Variants in TRAP1 observed in about 807,000 individuals in gnomAD.
TRAP1 encodes the protein TNF receptor associated protein 1.
A neutral mutation model predicts 89.1 loss-of-function variants in TRAP1; 102 were observed. That is an observed-to-expected ratio of 1.15 (90% confidence interval 0.98 to 1.35). The LOEUF (loss-of-function observed/expected upper bound fraction) is 1.35. Among genes scored for constraint, TRAP1 ranks in the 40% most tolerant of loss-of-function variants. The probability of loss-of-function intolerance (pLI) is 0.00; values close to 1 mark genes in which losing one functional copy is unlikely to be tolerated. For synonymous variants in TRAP1, 508 were observed against 388.0 expected (o/e 1.31, Z -3.64); for missense variants, 1,256 against 945.3 (o/e 1.33, Z -4.31).
intron 7 of TRAP1, 129 bp from the exon 8 acceptor site, chr16:3,675,526 C>A (rs1278991009): frequency 8.4e-6 from 7 of 833,728 alleles, no homozygotes; most frequent in Non-Finnish European, 1.9e-6. Flanking sequence ...TTCACAGGTA[C>A]AGAAACAGGG....
At chr16:3,673,597 TGGGCTCCCACGCA>T (rs2050945613) in intron 9 of TRAP1, among the ~76,000 whole-genome samples, 1 of 152,110 alleles carries the variant, frequency 6.6e-6, no homozygotes, top group Non-Finnish European at 1.5e-5. Context: ...TATTAAAATG[TGGGCTCCCACGCA>T]GGAGCCCTGG....
chr16:3,670,214 C>T (rs1408265545), intron 11 of TRAP1, among the ~76,000 whole-genome samples: 1 of 151,208 alleles, frequency 6.6e-6, no homozygotes, highest in Non-Finnish European at 1.5e-5. Flanking sequence ...AACCCTGTCT[C>T]TACTAAAGAT....
intron 1 of TRAP1, among the ~76,000 whole-genome samples, chr16:3,698,387 T>C (rs916251549): frequency 5.3e-5 from 8 of 151,606 alleles, no homozygotes; most frequent in Admixed American, 2.0e-4. Flanking sequence ...CTCGGCTCAC[T>C]GCAAGCTCCG....
Position 3,665,992 on chromosome 16 carries a change from G to C in TRAP1, c.1362C>G (p.Thr454=), listed in dbSNP as rs542900647. 1.1e-5 allele frequency: 18 copies of C among 1,613,660 alleles called. No individual in the cohort carries two copies. The East Asian group carries it at 1.8e-4, about 16-fold the overall frequency. The change falls in exon 12 of 18, where the codon ACC becomes ACG. Residue 454 remains threonine (T), a synonymous_variant. Coordinates refer to ENST00000246957, the MANE Select transcript of TRAP1 (RefSeq NM_016292.3). ...YGLFMREGIV[T]ATEQEVKEDI... ...ATACCTTGACCTCCTGCTCGGTGGC[G>C]GTCACAATGCCCTCCCGCATGAACA...
At chr16:3,705,386 A>T (rs989328668) in intron 1 of TRAP1, among the ~76,000 whole-genome samples, 1 of 151,552 alleles carries the variant, frequency 6.6e-6, no homozygotes, top group Non-Finnish European at 1.5e-5. Context: ...GAACATTTTT[A>T]TCACCCCAAA....
intron 11 of TRAP1, among the ~76,000 whole-genome samples, chr16:3,670,691 A>C (rs1292879638): frequency 1.3e-5 from 2 of 152,204 alleles, no homozygotes; most frequent in South Asian, 2.1e-4. Context: ...ACAACAAGAA[A>C]GACCCTATCA....
intron 1 of TRAP1, among the ~76,000 whole-genome samples, chr16:3,703,899 C>T (rs1049008162): frequency 6.6e-6 from 1 of 150,844 alleles, no homozygotes; most frequent in Admixed American, 6.6e-5. Context: ...CCTGTGGTCC[C>T]AGCTACTCGG....
At chr16:3,710,662 G>A (rs1292858797) in intron 1 of TRAP1, among the ~76,000 whole-genome samples, 1 of 152,084 alleles carries the variant, frequency 6.6e-6, no homozygotes, top group Non-Finnish European at 1.5e-5. Flanking sequence ...ATACTGGCAA[G>A]TGTGAACTAA....
chr16:3,659,025 TATACCCAGAAAACCCAAGAG>T, intron 16 of TRAP1, 160 bp from the exon 17 acceptor site: 1 of 709,040 alleles, frequency 1.4e-6, no homozygotes, highest in Non-Finnish European at 2.3e-6. Context: ...AATATCATTA[TATACCCAGAAAACCCAAGAG>T]AATCAGGAGT....
chr16:3,705,949 T>G (rs926640346), intron 1 of TRAP1, among the ~76,000 whole-genome samples: 22 of 151,642 alleles, frequency 1.5e-4, no homozygotes, highest in African/African-American at 5.1e-4. Context: ...CACCTCGGCC[T>G]CCCAAAGTGC....
Position 3,664,284 on chromosome 16 carries a change from T to G in TRAP1, c.1559A>C (p.Lys520Thr), listed in dbSNP as rs1476391501. ...CCACCGCTCACCCACCTCTGTGTCT[T>G]TCTTCTTCATGGCCTCATAGTAGGG... ...HSPYYEAMKKKDTEVLFCFEQ... is the reference protein window; with the variant it reads ...HSPYYEAMKKTDTEVLFCFEQ... Residue 520 changes from lysine to threonine, a missense_variant, in exon 13 of 18, where the codon AAA becomes ACA. Transcript: ENST00000246957. 3.8e-6 allele frequency: 6 copies of G among 1,594,520 alleles called. No individual in the cohort carries two copies. Among genetic ancestry groups the G allele is most frequent in the East Asian group, 2.2e-5 (1 of 44,564 alleles).
rs144769417 is a variant in TRAP1, at chr16:3,711,625, C to A, written c.88+5796G>T. Among the ~76,000 whole-genome samples, 451 of 151,662 alleles carry A rather than the reference C, an allele frequency of 3.0e-3. 2 individuals carry two copies. The highest frequency in any genetic ancestry group is 8.5e-3 in the South Asian group (41 of 4,806). On this transcript the variant is annotated intron_variant, in intron 1 of 17. Transcript: ENST00000246957. ...AAAAAAACAAAAAAAAAACAAAAAC[C>A]AAAACAAAAACAAAAAAAACACAGG...
At chr16:3,700,976 C>T (rs954672990) in intron 1 of TRAP1, among the ~76,000 whole-genome samples, 8 of 152,132 alleles carry the variant, frequency 5.3e-5, no homozygotes, top group African/African-American at 1.9e-4. Context: ...TTTACTCTTA[C>T]ATTAACAGAC....
At chr16:3,662,236 C>CGGG in intron 15 of TRAP1, 104 bp from the exon 16 acceptor site, 1 of 1,439,452 alleles carries the variant, frequency 6.9e-7, no homozygotes, top group Non-Finnish European at 9.4e-7. Context: ...AGGTAGCAGG[C>CGGG]GGGGTCTCAA....
At chr16:3,672,006 T>C (rs1385837216) in intron 10 of TRAP1, among the ~76,000 whole-genome samples, 2 of 152,158 alleles carry the variant, frequency 1.3e-5, no homozygotes, top group Non-Finnish European at 2.9e-5. Context: ...AGCCTCGGGG[T>C]AACACTCGGA....
chr16:3,689,029 T>G (rs2051175635), intron 3 of TRAP1, 26 bp downstream of exon 3: 2 of 1,579,722 alleles, frequency 1.3e-6, no homozygotes, highest in East Asian at 4.5e-5. Flanking sequence ...TTTGCTAGCA[T>G]CGGGCATGGT....
At chr16:3,689,462 C>T (rs574526326) in intron 2 of TRAP1, among the ~76,000 whole-genome samples, 23 of 152,136 alleles carry the variant, frequency 1.5e-4, no homozygotes, top group Admixed American at 5.9e-4. Context: ...GCCAGGATAG[C>T]CTCGATCTCC....
At chr16:3,689,579 G>C (rs565320291) in intron 2 of TRAP1, 2 of 154,762 alleles carry the variant, frequency 1.3e-5, no homozygotes, top group African/African-American at 4.8e-5. Flanking sequence ...GCTCATGCCT[G>C]TAATCCCAGC....
At chr16:3,685,534 T>G (rs1399201467) in intron 4 of TRAP1, among the ~76,000 whole-genome samples, 1 of 151,948 alleles carries the variant, frequency 6.6e-6, no homozygotes, top group Non-Finnish European at 1.5e-5. Context: ...GCAGCTGTCT[T>G]TGGATGCAAT....
Sources: gnomAD v4.1 joint callset for allele counts (sites outside exome capture counted in the v4.1 genomes callset) on GRCh38, gnomAD v4.1.1 for gene constraint, MANE v1.5 for transcripts, NCBI Gene and HGNC (gene_info 2026-07-23, HGNC 2026-07-21) for gene names.